The following ACLY variants were observed in gnomAD, a reference collection of about 807,000 sequenced individuals.
ACLY encodes the protein ATP citrate lyase.
In ACLY, 41 loss-of-function variants were observed where a neutral mutation model predicts 133.0. That is an observed-to-expected ratio of 0.31 (90% CI 0.24 to 0.40). The LOEUF is 0.40. Among genes scored for constraint, ACLY ranks in the 10% least tolerant of loss-of-function variants. ACLY has a pLI of 1.00. For synonymous variants in ACLY, 495 were observed against 549.3 expected (o/e 0.90, Z 1.38); for missense variants, 1,046 against 1,453.8 (o/e 0.72, Z 4.56).
rs1028502056 is a variant in ACLY, at chr17:41,900,350, G to A, written c.1183+1346C>T. ...TGCACTCCAGCCTGGGTAACAGAGC[G>A]AGACTCCATCTCAAAATAAAAAAAA... On this transcript the variant is annotated intron_variant, in intron 11 of 28. Transcript: ENST00000352035. 1.3e-4 allele frequency among the ~76,000 whole-genome samples: 19 copies of A among 148,390 alleles called. No individual in the cohort carries two copies. The South Asian group carries it at 2.8e-3, about 22-fold the overall frequency.
chr17:41,885,117 C>G (rs1403768461), intron 18 of ACLY, among the ~76,000 whole-genome samples: 1 of 151,024 alleles, frequency 6.6e-6, no homozygotes, highest in African/African-American at 2.5e-5. Flanking sequence ...TGGGCTGAAA[C>G]AATCCTCCTC....
chr17:41,874,428 C>T (rs1178936459), intron 22 of ACLY, among the ~76,000 whole-genome samples: 27 of 152,102 alleles, frequency 1.8e-4, no homozygotes, highest in East Asian at 3.9e-4. Flanking sequence ...CGCACCGCCA[C>T]GCCTGGCTAA....
rs1030025437 is a variant in ACLY at position 41,906,474 on chromosome 17, T to C, written c.866+54A>G. ...ACCCCACCCACCCAGGCTACACACA[T>C]GTTGATGCTGGGTAGACTGGGCTGG... On this transcript the variant is annotated intron_variant, in intron 8 of 28. Transcript: ENST00000352035. 3.6e-5 allele frequency: 55 copies of C among 1,509,706 alleles called. No homozygotes were observed. The African/African-American group carries it at 4.5e-4, about 12-fold the overall frequency. The allele number at this position is 1,509,706 out of a possible 1,614,324, so 93.5% of individuals were successfully genotyped here.
At chr17:41,871,901 G>A in intron 24 of ACLY, 69 bp from the exon 25 acceptor site, 3 of 1,604,174 alleles carry the variant, frequency 1.9e-6, no homozygotes, top group Non-Finnish European at 2.6e-6. Context: ...AACCAACCCA[G>A]TGTGTCCCGA....
At chr17:41,878,077 C>T in intron 22 of ACLY, 26 bp downstream of exon 22, 2 of 1,482,848 alleles carry the variant, frequency 1.3e-6, no homozygotes, top group African/African-American at 1.4e-5. Flanking sequence ...CTTGCTCACA[C>T]TGTTAGAGAC....
intron 1 of ACLY, 109 bp downstream of exon 1, chr17:41,918,771 G>C (rs2050124517): frequency 1.6e-6 from 2 of 1,232,160 alleles, no homozygotes; most frequent in South Asian, 2.6e-5. Context: ...AGCAGGGCGC[G>C]TGGGCACCGA....
At chr17:41,909,817 G>T in intron 4 of ACLY, 117 bp from the exon 5 acceptor site, 1 of 882,856 alleles carries the variant, frequency 1.1e-6, no homozygotes. Context: ...AATCCCCACG[G>T]TCTCATTTTC....
In ACLY at chr17:41,869,024, A is replaced by C. The variant is rs782357571; in HGVS notation, c.3134+19T>G. ...AAATCAACAAACGTAATGAAGAAGA[A>C]AACAGCTACAATGCTCACCGAGTAA... On this transcript the variant is annotated intron_variant, in intron 27 of 28. Transcript: ENST00000352035. The C allele has an allele frequency of 3.8e-6, 6 of 1,594,684 alleles. No homozygotes were observed. Among genetic ancestry groups the C allele is most frequent in the Non-Finnish European group, 3.4e-6 (4 of 1,167,598 alleles).
intron 5 of ACLY, 125 bp from the exon 6 acceptor site, chr17:41,909,193 C>T (rs1598036365): frequency 1.3e-6 from 1 of 759,344 alleles, no homozygotes; most frequent in Non-Finnish European, 2.3e-6. Flanking sequence ...ACCCCACTGG[C>T]CCTTCCATCT....
Position 41,896,634 on chromosome 17 carries a change from G to C in ACLY, c.1445C>G (p.Pro482Arg). 6.4e-7 allele frequency: 1 copy of C among 1,572,384 alleles called. No homozygotes were observed. Among genetic ancestry groups the C allele is most frequent in the South Asian group, 1.2e-5 (1 of 83,738 alleles). Residue 482 changes from proline (P) to arginine (R), a missense_variant, in exon 14 of 29, where the codon CCA (proline) becomes CGA (arginine). Transcript: ENST00000352035. The stretch of plus-strand genomic sequence containing the variant: ...GGGCATCCTACCTTGCAGGGATCTT[G>C]GACTTGGGACTGAATCTGTCAAAGA... ...PAMPQDSVPS[P>R]RSLQGKSTTL... is the part of the protein sequence containing the mutation.
intron 20 of ACLY, among the ~76,000 whole-genome samples, chr17:41,880,515 T>C (rs1555627131): frequency 6.6e-6 from 1 of 152,188 alleles, no homozygotes; most frequent in Non-Finnish European, 1.5e-5. Context: ...CTTGTAACTC[T>C]GGATTTCTCA....
intron 18 of ACLY, 101 bp from the exon 19 acceptor site, chr17:41,884,375 G>T: frequency 2.6e-6 from 2 of 775,210 alleles, no homozygotes; most frequent in Admixed American, 2.1e-5. Context: ...ACTGGATTTT[G>T]GGGGGATGTG....
intron 20 of ACLY, among the ~76,000 whole-genome samples, chr17:41,880,791 CG>C (rs1392643292): frequency 6.6e-6 from 1 of 151,300 alleles, no homozygotes; most frequent in Non-Finnish European, 1.5e-5. Context: ...GCGTGAACCC[CG>C]GAGGTGGAGC....
At chr17:41,907,682 G>C in intron 6 of ACLY, 110 bp from the exon 7 acceptor site, 1 of 1,285,942 alleles carries the variant, frequency 7.8e-7, no homozygotes, top group African/African-American at 1.5e-5. Flanking sequence ...TCAGGCCTCA[G>C]AACTCTCTAA....
chr17:41,884,792 C>T (rs868952435), intron 18 of ACLY, among the ~76,000 whole-genome samples: 4 of 152,112 alleles, frequency 2.6e-5, no homozygotes, highest in Non-Finnish European at 4.4e-5. Context: ...GTGGCTGAGA[C>T]GGGAGGATCG....
At chr17:41,898,841 T>G in intron 11 of ACLY, 56 bp from the exon 12 acceptor site, 5 of 1,548,712 alleles carry the variant, frequency 3.2e-6, no homozygotes, top group Non-Finnish European at 4.4e-6. Flanking sequence ...AGGGCCCAAG[T>G]CCATGTGACC....
At chr17:41,905,046 C>A (rs568935362) in intron 9 of ACLY, among the ~76,000 whole-genome samples, 1 of 152,244 alleles carries the variant, frequency 6.6e-6, no homozygotes, top group East Asian at 1.9e-4. Context: ...ATCCAAAAAT[C>A]CAGGTTGGTT....
chr17:41,909,883 G>C (rs1485846161), intron 4 of ACLY, among the ~76,000 whole-genome samples, 183 bp from the exon 5 acceptor site: 6 of 152,162 alleles, frequency 3.9e-5, no homozygotes, highest in African/African-American at 1.4e-4. Context: ...TTTCCCCGAG[G>C]ACAAGAGGAA....
chr17:41,871,865 C>A lies in ACLY; in HGVS notation c.2794-33G>T, dbSNP rs1343046069. 3.1e-6 allele frequency: 5 copies of A among 1,611,380 alleles called. No individual in the cohort carries two copies. The African/African-American group carries it at 6.7e-5, about 22-fold the overall frequency. ...AGAAACAAGTGCGTGTTGCCTTGAGCTTTAAGAGTTTCCTTCAGCTGGGCA... is the reference window on the plus strand; with the variant it reads ...AGAAACAAGTGCGTGTTGCCTTGAGATTTAAGAGTTTCCTTCAGCTGGGCA... On this transcript the variant is annotated intron_variant, in intron 24 of 28. Coordinates refer to ENST00000352035, the MANE Select transcript of ACLY (RefSeq NM_001096.3).
Sources: gnomAD v4.1 joint callset for allele counts (sites outside exome capture counted in the v4.1 genomes callset) on GRCh38, gnomAD v4.1.1 for gene constraint, MANE v1.5 for transcripts, NCBI Gene and HGNC (gene_info 2026-07-23, HGNC 2026-07-21) for gene names.